Variants in CAND1 observed in about 807,000 individuals in gnomAD.
CAND1 encodes the protein cullin associated and neddylation dissociated 1, also known as cullin-associated NEDD8-dissociated protein 1.
In CAND1, 7 loss-of-function variants were observed where a neutral mutation model predicts 108.5. The observed-to-expected ratio is 0.06, with a 90% CI of 0.04 to 0.12. The LOEUF (loss-of-function observed/expected upper bound fraction) is 0.12, where lower values mean the gene tolerates loss of function less well. CAND1 is among the 10% of genes least tolerant of loss of function. The probability of loss-of-function intolerance (pLI) is 1.00; values close to 1 mark genes in which losing one functional copy is unlikely to be tolerated. For missense variants in CAND1, 941 were observed against 1,448.7 expected (o/e 0.65, Z 5.69); for synonymous variants, 534 against 512.0 (o/e 1.04, Z -0.58).
chr12:67,272,441 A>G (rs1250945886), intron 1 of CAND1, among the ~76,000 whole-genome samples: 1 of 152,222 alleles, frequency 6.6e-6, no homozygotes, highest in Non-Finnish European at 1.5e-5. Flanking sequence ...TACATAGTTC[A>G]TTAATACAGA....
rs61481589 is a variant in CAND1 at position 67,317,473 on chromosome 12, A to ATTTTTTTTTT, written c.*4657_*4666dup. 3.2e-3 allele frequency: 280 copies of ATTTTTTTTTT among 87,848 alleles called. No individual in the cohort carries two copies. Among genetic ancestry groups the ATTTTTTTTTT allele is most frequent in the Middle Eastern group, 7.5e-3 (1 of 134 alleles). The allele number at this position is 87,848 out of a possible 1,614,324, so 5.4% of individuals were successfully genotyped here. ...CTTTTTTCTTTTTTTTTCTTTCTTA[A>ATTTTTTTTTT]TTTTTTTTTTTTTTTTTTTTTTTGA... On this transcript the variant is annotated 3_prime_UTR_variant, in exon 15 of 15. Transcript: ENST00000545606.
chr12:67,302,302 T>C (rs547179599), intron 7 of CAND1, 21 bp from the exon 8 acceptor site: 1 of 1,594,216 alleles, frequency 6.3e-7, no homozygotes, highest in Admixed American at 1.7e-5. Context: ...ATAGCCTGTT[T>C]ACATTAAAAC....
At position 67,285,231 on chromosome 12, in the gene CAND1, TC is replaced by T. The variant is rs557109374; in HGVS notation, c.212+3180del. 2.6e-4 allele frequency among the ~76,000 whole-genome samples: 40 copies of T among 152,270 alleles called. No homozygotes were observed. In the South Asian group the frequency reaches 7.9e-3, roughly 30 times the overall value. On this transcript the variant is annotated intron_variant, in intron 2 of 14. Coordinates refer to ENST00000545606, the MANE Select transcript of CAND1 (RefSeq NM_018448.5). ...AGGTAAGATTACAGTTTTCTGTTGT[TC>T]CAAATTTATGGGAGAAAAATTTTAA... is the stretch of plus-strand genomic sequence containing the variant.
chr12:67,269,906 C>A, intron 1 of CAND1, 121 bp downstream of exon 1: 1 of 750,216 alleles, frequency 1.3e-6, no homozygotes, highest in Non-Finnish European at 2.2e-6. Context: ...CCCGAAGTCT[C>A]CAGCCCACCG....
Position 67,316,250 on chromosome 12 carries a change from T to C in CAND1, c.*3420T>C, listed in dbSNP as rs2045006472. 1 of 152,236 alleles carries C rather than the reference T, an allele frequency of 6.6e-6. No homozygotes were observed. The highest frequency in any genetic ancestry group is 2.4e-5 in the African/African-American group (1 of 41,458). The allele number at this position is 152,236 out of a possible 1,614,324, so 9.4% of individuals were successfully genotyped here. On this transcript the variant is annotated 3_prime_UTR_variant, in exon 15 of 15. Coordinates refer to ENST00000545606, the MANE Select transcript of CAND1 (RefSeq NM_018448.5). ...GGATATTCTGGTTTTAACTGACTTT[T>C]CCATTTAAATAAAATTCATTTGATA...
At chr12:67,299,512 G>A (rs1453233693) in intron 7 of CAND1, among the ~76,000 whole-genome samples, 1 of 152,106 alleles carries the variant, frequency 6.6e-6, no homozygotes, top group East Asian at 1.9e-4. Context: ...TTTGTAAGGA[G>A]ATAAACCAAG....
chr12:67,281,367 C>T (rs1458638270), intron 1 of CAND1, among the ~76,000 whole-genome samples: 1 of 151,916 alleles, frequency 6.6e-6, no homozygotes, highest in African/African-American at 2.4e-5. Flanking sequence ...AGGCCTGATA[C>T]CTAGTGATGG....
intron 6 of CAND1, among the ~76,000 whole-genome samples, chr12:67,298,542 T>C (rs2044791717): frequency 1.3e-5 from 2 of 152,202 alleles, no homozygotes; most frequent in African/African-American, 2.4e-5. Flanking sequence ...TGGGCATTTA[T>C]ATGTTCTGTC....
chr12:67,291,018 C>G (rs138170326), intron 2 of CAND1, among the ~76,000 whole-genome samples: 327 of 152,278 alleles, frequency 2.1e-3, no homozygotes, highest in Admixed American at 3.5e-3. Context: ...GAAACTGCCT[C>G]CCCTGCAAAT....
At chr12:67,308,995 T>C (rs1177809253) in intron 11 of CAND1, among the ~76,000 whole-genome samples, 3 of 151,990 alleles carry the variant, frequency 2.0e-5, no homozygotes, top group African/African-American at 7.2e-5. Context: ...TTGCTGATGA[T>C]AGAGTTGAGA....
intron 2 of CAND1, 129 bp downstream of exon 2, chr12:67,282,182 TA>T: frequency 1.1e-6 from 1 of 902,470 alleles, no homozygotes; most frequent in Non-Finnish European, 1.7e-6. Flanking sequence ...GTAGAATTTT[TA>T]GGTGACTAAT....
intron 7 of CAND1, 124 bp from the exon 8 acceptor site, chr12:67,302,199 T>TG: frequency 1.3e-6 from 1 of 744,068 alleles, no homozygotes; most frequent in Admixed American, 2.4e-5. Flanking sequence ...ACCTACCTGT[T>TG]GCTGTATATG....
At chr12:67,284,110 C>G (rs2135997047) in intron 2 of CAND1, among the ~76,000 whole-genome samples, 1 of 151,860 alleles carries the variant, frequency 6.6e-6, no homozygotes, top group South Asian at 2.1e-4. Context: ...ATTCATCACC[C>G]AAAAGAAAGA....
At chr12:67,291,807 T>C (rs1036587702) in intron 2 of CAND1, among the ~76,000 whole-genome samples, 2 of 152,202 alleles carry the variant, frequency 1.3e-5, no homozygotes, top group African/African-American at 4.8e-5. Flanking sequence ...AATCTATATG[T>C]TGGATGGAAC....
chr12:67,308,804 C>T (rs960840925), intron 11 of CAND1, among the ~76,000 whole-genome samples: 13 of 151,850 alleles, frequency 8.6e-5, no homozygotes, highest in African/African-American at 2.4e-5. Context: ...TTTGAAACCA[C>T]GCTGTTTCTC....
chr12:67,271,603 TTAAA>T (rs781656594), intron 1 of CAND1, among the ~76,000 whole-genome samples: 9 of 152,238 alleles, frequency 5.9e-5, no homozygotes, highest in Non-Finnish European at 1.5e-5. Context: ...TGTTTTTTTC[TTAAA>T]TAAATTACAT....
chr12:67,285,236 A>G (rs545940832), intron 2 of CAND1, among the ~76,000 whole-genome samples: 1 of 152,302 alleles, frequency 6.6e-6, no homozygotes, highest in African/African-American at 2.4e-5. Flanking sequence ...GTTGTTCCAA[A>G]TTTATGGGAG....
chr12:67,286,374 C>T (rs554070295), intron 2 of CAND1, among the ~76,000 whole-genome samples: 4 of 152,208 alleles, frequency 2.6e-5, no homozygotes, highest in African/African-American at 2.4e-5. Flanking sequence ...TTTATGAAAA[C>T]GCCAAATTGT....
At chr12:67,271,139 T>A (rs1333213217) in intron 1 of CAND1, among the ~76,000 whole-genome samples, 1 of 152,244 alleles carries the variant, frequency 6.6e-6, no homozygotes, top group Non-Finnish European at 1.5e-5. Context: ...AACTTAAAAA[T>A]CATTTCGCTA....
Sources: allele counts gnomAD v4.1 joint callset (sites outside exome capture counted in the v4.1 genomes callset), GRCh38; gene constraint gnomAD v4.1.1; transcripts MANE v1.5; gene names NCBI Gene and HGNC (gene_info 2026-07-23, HGNC 2026-07-21).